ZDHHC14: variants seen among roughly 807,000 people sequenced by gnomAD.
ZDHHC14 encodes palmitoyltransferase ZDHHC14.
A neutral mutation model predicts 47.7 loss-of-function variants in ZDHHC14; 16 were observed. The ratio of observed to expected loss-of-function variants is 0.34; its 90% CI spans 0.23 to 0.51. The LOEUF (loss-of-function observed/expected upper bound fraction) is 0.51. ZDHHC14 is among the 20% of genes least tolerant of loss of function. The pLI is 0.97. For missense variants in ZDHHC14, 515 were observed against 662.5 expected (o/e 0.78, Z 2.44); for synonymous variants, 293 against 278.9 (o/e 1.05, Z -0.50).
intron 1 of ZDHHC14, among the ~76,000 whole-genome samples, chr6:157,460,488 C>T (rs1311030320): frequency 1.4e-5 from 2 of 146,710 alleles, no homozygotes; most frequent in Middle Eastern, 3.3e-3. Context: ...CCAAAGAGTG[C>T]TGTTGATACC....
chr6:157,523,970 G>A (rs1446252194), intron 1 of ZDHHC14, among the ~76,000 whole-genome samples: 1 of 152,022 alleles, frequency 6.6e-6, no homozygotes, highest in Non-Finnish European at 1.5e-5. Flanking sequence ...ATATTTCTTA[G>A]GAAATAAAAT....
intron 1 of ZDHHC14, among the ~76,000 whole-genome samples, chr6:157,452,028 C>T (rs1031028119): frequency 7.2e-5 from 11 of 152,042 alleles, no homozygotes; most frequent in Admixed American, 5.2e-4. Flanking sequence ...ATGAATAATC[C>T]GGAAAGATGG....
At chr6:157,503,763 C>T (rs958322942) in intron 1 of ZDHHC14, among the ~76,000 whole-genome samples, 1 of 152,158 alleles carries the variant, frequency 6.6e-6, no homozygotes, top group Admixed American at 6.5e-5. Flanking sequence ...ATTAGGATCA[C>T]AGTGACATGC....
intron 1 of ZDHHC14, among the ~76,000 whole-genome samples, chr6:157,409,993 G>A (rs748280029): frequency 6.6e-5 from 10 of 152,010 alleles, no homozygotes; most frequent in South Asian, 4.2e-4. Context: ...CATCACGCCC[G>A]GCTAATTTTT....
chr6:157,469,655 G>C (rs1443867838), intron 1 of ZDHHC14, among the ~76,000 whole-genome samples: 1 of 152,198 alleles, frequency 6.6e-6, no homozygotes, highest in Non-Finnish European at 1.5e-5. Context: ...CATGTCAAAT[G>C]TTGAGGTCAT....
chr6:157,392,489 G>C (rs1476853765), intron 1 of ZDHHC14, among the ~76,000 whole-genome samples: 3 of 152,046 alleles, frequency 2.0e-5, no homozygotes, highest in Non-Finnish European at 4.4e-5. Flanking sequence ...CTTCCTCTCT[G>C]TGTCATGTGG....
At chr6:157,412,666 G>T (rs983076658) in intron 1 of ZDHHC14, among the ~76,000 whole-genome samples, 5 of 152,202 alleles carry the variant, frequency 3.3e-5, no homozygotes, top group Admixed American at 2.6e-4. Context: ...GGTGGAAATG[G>T]TGGTACAACT....
At chr6:157,667,630 A>AG (rs1736725594) in intron 8 of ZDHHC14, among the ~76,000 whole-genome samples, 1 of 151,230 alleles carries the variant, frequency 6.6e-6, no homozygotes, top group Non-Finnish European at 1.5e-5. Context: ...AAAAAAAAAA[A>AG]GGGAAGTGTA....
rs542410503 is a variant in ZDHHC14 at position 157,427,716 on chromosome 6, G to A, written c.245+45450G>A. Among the ~76,000 whole-genome samples, 3 of 152,090 alleles carry A rather than the reference G, an allele frequency of 2.0e-5. No homozygotes were observed. The highest frequency in any genetic ancestry group is 4.4e-5 in the Non-Finnish European group (3 of 68,022). ...TTTTCTTTTCAGAAATGGCAGATGC[G>A]CTAGGGCTGTTCCTCCTGGAGTAGT... is the stretch of plus-strand genomic sequence containing the variant. On this transcript the variant is annotated intron_variant, in intron 1 of 8. Transcript: ENST00000359775. This position sits in a 1 kb window ranked among gnomAD's most constrained non-coding sequence, Gnocchi z 4.4.
chr6:157,426,777 C>T (rs1583634942), intron 1 of ZDHHC14, among the ~76,000 whole-genome samples: 1 of 152,152 alleles, frequency 6.6e-6, no homozygotes, highest in South Asian at 2.1e-4. Flanking sequence ...GAGGGGCCAG[C>T]GTGAGGTTCT....
intron 1 of ZDHHC14, among the ~76,000 whole-genome samples, chr6:157,505,056 C>T (rs578197436): frequency 4.6e-5 from 7 of 152,252 alleles, no homozygotes; most frequent in Admixed American, 2.6e-4. Flanking sequence ...GTGATCCACC[C>T]GCCTGGGCCT....
chr6:157,595,174 A>ATTGTTTTTTTTTTTTTTTTTTTTTTTTTT (rs1784072102), intron 3 of ZDHHC14, among the ~76,000 whole-genome samples: 1 of 62,700 alleles, frequency 1.6e-5, no homozygotes, highest in African/African-American at 7.4e-5. Context: ...TCTAGGCTAG[A>ATTGTTTTTTTTTTTTTTTTTTTTTTTTTT]TTTTTTTTTT....
chr6:157,515,425 C>A (rs954660887), intron 1 of ZDHHC14, among the ~76,000 whole-genome samples: 2 of 151,388 alleles, frequency 1.3e-5, no homozygotes, highest in South Asian at 2.1e-4. Context: ...ACGAACTGGG[C>A]GCACCCTTCA....
intron 1 of ZDHHC14, among the ~76,000 whole-genome samples, chr6:157,452,244 G>GTT (rs757714112): frequency 1.3e-5 from 1 of 76,160 alleles, no homozygotes; most frequent in African/African-American, 3.5e-5. Context: ...AAAGTACCTA[G>GTT]TATTTTTTTT....
At chr6:157,501,392 A>G (rs1476667849) in intron 1 of ZDHHC14, among the ~76,000 whole-genome samples, 1 of 152,246 alleles carries the variant, frequency 6.6e-6, no homozygotes, top group African/African-American at 2.4e-5. Context: ...GGAAGTGTCA[A>G]CTATTTCTTG....
chr6:157,529,912 C>T (rs1460459254), intron 1 of ZDHHC14, among the ~76,000 whole-genome samples: 1 of 152,136 alleles, frequency 6.6e-6, no homozygotes, highest in Admixed American at 6.5e-5. Context: ...AAGTAATGAA[C>T]CTCTTATAAG....
chr6:157,672,629 A>AACCCCC, intron 8 of ZDHHC14, 95 bp from the exon 9 acceptor site: 1 of 79,518 alleles, frequency 1.3e-5, no homozygotes, highest in Non-Finnish European at 2.7e-5. Flanking sequence ...CTCGCACCCC[A>AACCCCC]CCCTCCCCGC....
intron 8 of ZDHHC14, among the ~76,000 whole-genome samples, chr6:157,658,112 G>T (rs1344813669): frequency 6.6e-6 from 1 of 152,116 alleles, no homozygotes; most frequent in Non-Finnish European, 1.5e-5. Flanking sequence ...CCCATGAGTG[G>T]CAAGATGAGC....
chr6:157,487,947 C>T (rs1195980157), intron 1 of ZDHHC14, among the ~76,000 whole-genome samples: 1 of 152,252 alleles, frequency 6.6e-6, no homozygotes, highest in African/African-American at 2.4e-5. Flanking sequence ...CTCCAAGATG[C>T]CCTGGACTGG....
Sources: gnomAD v4.1 joint callset for allele counts (sites outside exome capture counted in the v4.1 genomes callset) on GRCh38, gnomAD v4.1.1 for gene constraint, Gnocchi (gnomAD v3.1) non-coding constraint, MANE v1.5 for transcripts, NCBI Gene and HGNC (gene_info 2026-07-23, HGNC 2026-07-21) for gene names.